The following MYH16 variants were observed in gnomAD, a reference collection of about 807,000 sequenced individuals.
MYH16 encodes myosin heavy chain 16, also known as putative uncharacterized protein MYH16.
chr7:99,288,052 A>G (rs1333824343), exon 29 of MYH16: 4 of 456,674 alleles, frequency 8.8e-6, no homozygotes, highest in Non-Finnish European at 1.8e-5. Context: ...CAGAGGGTCA[A>G]GTCCAAGCTA....
intron 23 of MYH16, among the ~76,000 whole-genome samples, chr7:99,282,995 T>C (rs1792222716): frequency 6.6e-6 from 1 of 152,156 alleles, no homozygotes; most frequent in African/African-American, 2.4e-5. Flanking sequence ...TGGTACCAGA[T>C]TGTCCAGAGC....
chr7:99,272,603 C>T (rs749129034), intron 19 of MYH16, among the ~76,000 whole-genome samples: 5 of 151,922 alleles, frequency 3.3e-5, no homozygotes, highest in Admixed American at 6.6e-5. Flanking sequence ...ACAAAAAATT[C>T]GCAGGTGGTG....
chr7:99,301,183 A>G (rs1792588924), intron 37 of MYH16, among the ~76,000 whole-genome samples: 1 of 127,826 alleles, frequency 7.8e-6, no homozygotes, highest in African/African-American at 3.0e-5. Context: ...GGGACAGAGC[A>G]AGACTCTGTC....
chr7:99,292,992 C>A (rs1052131263), intron 32 of MYH16, among the ~76,000 whole-genome samples: 5 of 151,692 alleles, frequency 3.3e-5, no homozygotes, highest in Non-Finnish European at 7.4e-5. Context: ...TAAGTGGACA[C>A]CTGAGGAAAT....
chr7:99,242,680 G>T (rs570558486), intron 1 of MYH16, among the ~76,000 whole-genome samples: 1 of 152,202 alleles, frequency 6.6e-6, no homozygotes, highest in South Asian at 2.1e-4. Flanking sequence ...GAAAAGTTTG[G>T]CTGGTCTGAA....
downstream of MYH16, among the ~76,000 whole-genome samples, chr7:99,307,212 T>C (rs1434393448): frequency 6.6e-6 from 1 of 152,202 alleles, no homozygotes; most frequent in African/African-American, 2.4e-5. Context: ...ATGTGTGTTA[T>C]CTTTCGTGTC....
intron 27 of MYH16, among the ~76,000 whole-genome samples, chr7:99,286,243 C>A (rs1250655032): frequency 1.3e-5 from 2 of 152,150 alleles, no homozygotes; most frequent in Admixed American, 6.5e-5. Flanking sequence ...ATGGTGAAAC[C>A]CATCTCTACA....
intron 41 of MYH16, among the ~76,000 whole-genome samples, 199 bp downstream of exon 22, chr7:99,306,235 A>T (rs892138712): frequency 2.0e-5 from 3 of 152,118 alleles, no homozygotes; most frequent in African/African-American, 7.2e-5. Context: ...CAGAGATAAG[A>T]ACTTGTAAAG....
intron 33 of MYH16, among the ~76,000 whole-genome samples, chr7:99,294,901 G>A (rs143938602): frequency 6.6e-6 from 1 of 152,248 alleles, no homozygotes; most frequent in Non-Finnish European, 1.5e-5. Context: ...TTAGCCAGGT[G>A]TGGTGGCACA....
intron 26 of MYH16, 89 bp from the exon 9 acceptor site, chr7:99,285,293 C>T: frequency 4.5e-6 from 2 of 444,934 alleles, no homozygotes; most frequent in South Asian, 3.2e-5. Flanking sequence ...CATATTCTCA[C>T]ATCCCTATTT....
At chr7:99,261,722 C>T (rs1183032804) in intron 13 of MYH16, 1 of 152,676 alleles carries the variant, frequency 6.5e-6, no homozygotes, top group East Asian at 1.9e-4. Context: ...TGACACACCC[C>T]TCCAGAGACG....
intron 17 of MYH16, among the ~76,000 whole-genome samples, chr7:99,266,656 A>G (rs1175167842): frequency 6.6e-6 from 1 of 152,120 alleles, no homozygotes; most frequent in East Asian, 1.9e-4. Context: ...ACCCACACCA[A>G]TGTCCACTCC....
intron 36 of MYH16, 178 bp from the exon 18 acceptor site, chr7:99,299,288 T>C (rs2150834890): frequency 6.6e-6 from 1 of 152,210 alleles, no homozygotes; most frequent in Non-Finnish European, 1.5e-5. Context: ...TGACCTTCCT[T>C]TTATTTCCCC....
At chr7:99,281,773 C>A (rs1244640803) in intron 23 of MYH16, among the ~76,000 whole-genome samples, 2 of 152,180 alleles carry the variant, frequency 1.3e-5, no homozygotes, top group African/African-American at 4.8e-5. Flanking sequence ...CCCACTGTCA[C>A]GGCTAAGGTT....
chr7:99,304,606 A>T (rs974444188), exon 40 of MYH16: 1 of 152,960 alleles, frequency 6.5e-6, no homozygotes, highest in Non-Finnish European at 1.5e-5. Flanking sequence ...TGGCAGAAGA[A>T]CTCCGGCAAG....
At chr7:99,294,341 C>T (rs755270365) in intron 33 of MYH16, among the ~76,000 whole-genome samples, 191 bp downstream of exon 14, 5 of 151,250 alleles carry the variant, frequency 3.3e-5, no homozygotes, top group Non-Finnish European at 5.9e-5. Flanking sequence ...TGAACTCTTC[C>T]GAGATCTAAC....
intron 21 of MYH16, among the ~76,000 whole-genome samples, chr7:99,279,063 C>T (rs1258314534): frequency 6.6e-6 from 1 of 151,994 alleles, no homozygotes; most frequent in African/African-American, 2.4e-5. Context: ...TGTGGTGGCA[C>T]ATCTGTAGTC....
rs924355454 is a variant in MYH16, at chr7:99,304,220, A to G, written n.5264-366A>G. The stretch of plus-strand genomic sequence containing the variant: ...AAGGGACTGAGAGGGGATAAGCAAC[A>G]TGCTGAAGGTCACTCAGGGCCAGAC... On this transcript the variant is annotated intron_variant and non_coding_transcript_variant, in intron 39 of 41. Transcript: ENST00000439784. Among the ~76,000 whole-genome samples, 4 of 152,334 alleles carry G rather than the reference A, an allele frequency of 2.6e-5. No homozygotes were observed. The East Asian group carries it at 7.7e-4, about 29-fold the overall frequency.
intron 20 of MYH16, among the ~76,000 whole-genome samples, chr7:99,276,935 GAGAC>G (rs946775637): frequency 6.6e-6 from 1 of 151,944 alleles, no homozygotes. Flanking sequence ...GACAGAGAAA[GAGAC>G]AGAGAGAAAG....
Sources: allele counts gnomAD v4.1 joint callset (sites outside exome capture counted in the v4.1 genomes callset), GRCh38; gene constraint gnomAD v4.1.1; transcripts MANE v1.5; gene names NCBI Gene and HGNC (gene_info 2026-07-23, HGNC 2026-07-21).